Variants in CAMK4 observed in about 807,000 individuals in gnomAD.
CAMK4 encodes calcium/calmodulin-dependent protein kinase type IV.
In CAMK4, 22 loss-of-function variants were observed where a neutral mutation model predicts 44.9. The ratio of observed to expected loss-of-function variants is 0.49; its 90% CI spans 0.35 to 0.70. The LOEUF (loss-of-function observed/expected upper bound fraction) is 0.70. Ranked by LOEUF, CAMK4 falls within the 30% of genes least tolerant of loss-of-function variation. The pLI, the probability that CAMK4 is intolerant of heterozygous loss-of-function variation, is 0.01. For synonymous variants in CAMK4, 218 were observed against 215.4 expected (o/e 1.01, Z -0.11); for missense variants, 498 against 586.8 (o/e 0.85, Z 1.56).
At chr5:111,403,091 G>A (rs187036647) in intron 5 of CAMK4, among the ~76,000 whole-genome samples, 2 of 152,282 alleles carry the variant, frequency 1.3e-5, no homozygotes, top group African/African-American at 2.4e-5. Context: ...AACAGAAAGA[G>A]CATACTTCTA....
chr5:111,355,109 C>T (rs1016420658), intron 2 of CAMK4, among the ~76,000 whole-genome samples: 12 of 152,086 alleles, frequency 7.9e-5, no homozygotes, highest in African/African-American at 2.4e-4. Flanking sequence ...AAATCACCAG[C>T]TCAAATAGAC....
At chr5:111,226,297 C>T (rs116520547) in intron 1 of CAMK4, among the ~76,000 whole-genome samples, 1 of 152,186 alleles carries the variant, frequency 6.6e-6, no homozygotes, top group Non-Finnish European at 1.5e-5. Flanking sequence ...CAATTGTATA[C>T]CCCTATGAGA....
At position 111,484,711 on chromosome 5, in the gene CAMK4, A is replaced by G. The variant is rs1755555097; in HGVS notation, c.*245A>G. 5.8e-6 allele frequency: 2 copies of G among 342,510 alleles called. No individual in the cohort carries two copies. The highest frequency in any genetic ancestry group is 1.0e-5 in the Non-Finnish European group (2 of 191,206). The allele number at this position is 342,510 out of a possible 1,614,324, so 21.2% of individuals were successfully genotyped here. Reference sequence around the variant, plus strand: ...GAGTTAAATCTTGCAAGTTAACACAACGTAACACTTAAAAGCATACATTTT... The same window carrying G: ...GAGTTAAATCTTGCAAGTTAACACAGCGTAACACTTAAAAGCATACATTTT... On this transcript the variant is annotated 3_prime_UTR_variant, in exon 11 of 11. Coordinates refer to ENST00000282356, the MANE Select transcript of CAMK4 (RefSeq NM_001744.6). The surrounding 1 kb of genome is among the most constrained non-coding windows in gnomAD (Gnocchi z 5.3).
rs186790897 is a variant in CAMK4, at chr5:111,238,925, G to A, written c.161+14281G>A. 7.3e-4 allele frequency among the ~76,000 whole-genome samples: 103 copies of A among 141,424 alleles called. 1 individual carries two copies. Among genetic ancestry groups the A allele is most frequent in the African/African-American group, 2.6e-3 (99 of 37,448 alleles). 92.8% of individuals were successfully genotyped at this position (141,424 alleles called of 152,430 possible). A position where few individuals can be genotyped will look rare whatever the true frequency, so the allele number is the denominator to read the frequency against. On this transcript the variant is annotated intron_variant, in intron 1 of 10. Transcript: ENST00000282356. ...TGTGGCTACATCCCCACTTCCACTC[G>A]TGCCTTCCAGGCACTAGCACCTTGG...
chr5:111,474,792 C>T (rs1243230961), intron 8 of CAMK4, among the ~76,000 whole-genome samples: 1 of 152,154 alleles, frequency 6.6e-6, no homozygotes, highest in Non-Finnish European at 1.5e-5. Flanking sequence ...GTTTAACAAG[C>T]AACTGATAAA....
At chr5:111,335,692 T>A (rs941845991) in intron 1 of CAMK4, among the ~76,000 whole-genome samples, 1 of 151,442 alleles carries the variant, frequency 6.6e-6, no homozygotes, top group East Asian at 1.9e-4. Context: ...ATAAATATTA[T>A]ATCTGGAGCC....
rs946879488 is a variant in CAMK4 at position 111,459,942 on chromosome 5, C to T, written c.625+10739C>T. 5.3e-5 allele frequency among the ~76,000 whole-genome samples: 8 copies of T among 152,082 alleles called. No individual in the cohort carries two copies. In the South Asian group the frequency reaches 8.3e-4, roughly 16 times the overall value. On this transcript the variant is annotated intron_variant, in intron 7 of 10. Coordinates refer to ENST00000282356, the MANE Select transcript of CAMK4 (RefSeq NM_001744.6). ...ATGCCCACTTCAGAAGACACTACTTCGAGAACAGAACCAACTGTGCCAGAG... is the reference window on the plus strand; with the variant it reads ...ATGCCCACTTCAGAAGACACTACTTTGAGAACAGAACCAACTGTGCCAGAG...
At chr5:111,264,964 C>T (rs898817954) in intron 1 of CAMK4, among the ~76,000 whole-genome samples, 23 of 152,226 alleles carry the variant, frequency 1.5e-4, no homozygotes, top group African/African-American at 5.5e-4. Flanking sequence ...TCCCCTCATC[C>T]ATGAGGATCC....
At chr5:111,275,418 T>TA (rs1349307106) in intron 1 of CAMK4, among the ~76,000 whole-genome samples, 3 of 152,122 alleles carry the variant, frequency 2.0e-5, no homozygotes, top group Non-Finnish European at 4.4e-5. Context: ...AATGCATACT[T>TA]ATTGGTACTT....
intron 7 of CAMK4, among the ~76,000 whole-genome samples, chr5:111,463,470 T>C (rs1035650977): frequency 3.9e-5 from 6 of 152,128 alleles, no homozygotes; most frequent in Admixed American, 1.3e-4. Context: ...TACCACCTGA[T>C]CCTCCCTGTA....
At chr5:111,275,998 T>G (rs1487186237) in intron 1 of CAMK4, among the ~76,000 whole-genome samples, 1 of 152,176 alleles carries the variant, frequency 6.6e-6, no homozygotes, top group African/African-American at 2.4e-5. Context: ...ACCATCTTCT[T>G]GTATCAAATA....
At chr5:111,451,362 A>C (rs1215494409) in intron 7 of CAMK4, among the ~76,000 whole-genome samples, 1 of 152,140 alleles carries the variant, frequency 6.6e-6, no homozygotes, top group Non-Finnish European at 1.5e-5. Context: ...TTTGAGACAG[A>C]TCTCGGCTTA....
chr5:111,284,876 A>C (rs1236152276), intron 1 of CAMK4, among the ~76,000 whole-genome samples: 2 of 152,120 alleles, frequency 1.3e-5, no homozygotes, highest in African/African-American at 4.8e-5. Flanking sequence ...TCTTTTTCTA[A>C]ATCATGAAAA....
chr5:111,494,793 A>G lies in CAMK4; in HGVS notation c.*10327A>G, dbSNP rs1345704183. The G allele has an allele frequency of 6.6e-6, 1 of 152,224 alleles. No individual in the cohort carries two copies. The highest frequency in any genetic ancestry group is 1.5e-5 in the Non-Finnish European group (1 of 68,040). The allele number at this position is 152,224 out of a possible 1,614,324, so 9.4% of individuals were successfully genotyped here. On this transcript the variant is annotated 3_prime_UTR_variant, in exon 11 of 11. Transcript: ENST00000282356. ...AAGTTCACTCAGACAGACATGTCAG[A>G]ACATGCCCAAAGAAGCCTATATCTT...
chr5:111,266,535 A>C (rs1481363386), intron 1 of CAMK4, among the ~76,000 whole-genome samples: 2 of 152,206 alleles, frequency 1.3e-5, no homozygotes, highest in East Asian at 3.8e-4. Flanking sequence ...CCTTATTATG[A>C]ATTACTGTCC....
chr5:111,290,720 A>C lies in CAMK4; in HGVS notation c.162-53304A>C, dbSNP rs1358939886. On this transcript the variant is annotated intron_variant, in intron 1 of 10. Coordinates refer to ENST00000282356, the MANE Select transcript of CAMK4 (RefSeq NM_001744.6). The surrounding 1 kb of genome is among the most constrained non-coding windows in gnomAD (Gnocchi z 4.5). ...CGGGTGCCATGGGGTCGAGTGATGG[A>C]ATCAGCAGGGAGACTACATGGTGAG... is the stretch of plus-strand genomic sequence containing the variant. 6.6e-6 allele frequency among the ~76,000 whole-genome samples: 1 copy of C among 152,154 alleles called. No individual in the cohort carries two copies. The highest frequency in any genetic ancestry group is 1.9e-4 in the East Asian group (1 of 5,196).
intron 7 of CAMK4, among the ~76,000 whole-genome samples, chr5:111,463,512 A>T (rs1299738926): frequency 6.6e-6 from 1 of 152,160 alleles, no homozygotes; most frequent in Admixed American, 6.5e-5. Context: ...TGAAAGTGCC[A>T]CCTCCTGGCA....
chr5:111,432,662 GTATA>G (rs58147378), intron 5 of CAMK4, among the ~76,000 whole-genome samples: 4,608 of 142,916 alleles, frequency 0.032, 89 homozygotes, highest in Non-Finnish European at 0.035. Flanking sequence ...ATATGTGTGT[GTATA>G]TATATATATA....
At chr5:111,272,256 ATCTT>A (rs1750550861) in intron 1 of CAMK4, among the ~76,000 whole-genome samples, 1 of 152,042 alleles carries the variant, frequency 6.6e-6, no homozygotes. Context: ...CACTAGCCAA[ATCTT>A]TCTTTGTGTC....
Sources: gnomAD v4.1 joint callset for allele counts (sites outside exome capture counted in the v4.1 genomes callset) on GRCh38, gnomAD v4.1.1 for gene constraint, Gnocchi (gnomAD v3.1) non-coding constraint, MANE v1.5 for transcripts, NCBI Gene and HGNC (gene_info 2026-07-23, HGNC 2026-07-21) for gene names.